RTN4RL1: variants seen among roughly 807,000 people sequenced by gnomAD.
RTN4RL1 encodes reticulon 4 receptor like 1.
A neutral mutation model predicts 25.6 loss-of-function variants in RTN4RL1; 7 were observed. The observed-to-expected ratio is 0.27, with a 90% CI of 0.16 to 0.51. The LOEUF is 0.51. Among genes scored for constraint, RTN4RL1 ranks in the 20% least tolerant of loss-of-function variants. RTN4RL1 has a pLI of 0.97. For synonymous variants in RTN4RL1, 297 were observed against 288.2 expected (o/e 1.03, Z -0.31); for missense variants, 500 against 615.6 (o/e 0.81, Z 1.99).
chr17:1,989,806 T>C (rs573595609), intron 1 of RTN4RL1, among the ~76,000 whole-genome samples: 1 of 152,070 alleles, frequency 6.6e-6, no homozygotes, highest in African/African-American at 2.4e-5. Context: ...ACTCCTGACC[T>C]CATGATCCAC....
chr17:1,956,868 C>T (rs1271347755), intron 1 of RTN4RL1, among the ~76,000 whole-genome samples: 2 of 151,864 alleles, frequency 1.3e-5, no homozygotes, highest in Admixed American at 6.6e-5. Flanking sequence ...CAGCACTCCC[C>T]GAGTAGCTGG....
intron 1 of RTN4RL1, among the ~76,000 whole-genome samples, chr17:1,962,984 C>T (rs1240864030): frequency 1.3e-5 from 2 of 151,606 alleles, no homozygotes; most frequent in Non-Finnish European, 2.9e-5. Flanking sequence ...GTTGCCCTGG[C>T]TGGAGTGCAG....
At chr17:1,978,670 T>C (rs1205731038) in intron 1 of RTN4RL1, among the ~76,000 whole-genome samples, 1 of 152,040 alleles carries the variant, frequency 6.6e-6, no homozygotes, top group African/African-American at 2.4e-5. Context: ...GCGGATTCAG[T>C]GAGGTAGTGC....
chr17:2,004,367 CAAAAAAAA>C (rs58690992), intron 1 of RTN4RL1, among the ~76,000 whole-genome samples: 5 of 36,566 alleles, frequency 1.4e-4, no homozygotes, highest in South Asian at 8.2e-4. Context: ...GACTCTGTCT[CAAAAAAAA>C]AAAAAAAAAA....
At chr17:1,939,284 T>C (rs7221269) in intron 1 of RTN4RL1, among the ~76,000 whole-genome samples, 2,066 of 149,776 alleles carry the variant, frequency 0.014, 36 homozygotes, top group South Asian at 0.065. Context: ...ACCCGGGAGG[T>C]GGAGCTTGCA....
intron 1 of RTN4RL1, among the ~76,000 whole-genome samples, chr17:1,981,997 T>G (rs796415272): frequency 2.6e-5 from 4 of 151,612 alleles, no homozygotes; most frequent in African/African-American, 9.7e-5. Flanking sequence ...AACACAAGAG[T>G]GAGTATTTAT....
intron 1 of RTN4RL1, among the ~76,000 whole-genome samples, chr17:2,004,312 G>A (rs1428857577): frequency 7.0e-6 from 1 of 143,882 alleles, no homozygotes; most frequent in African/African-American, 2.6e-5. Flanking sequence ...AACTTGGAGT[G>A]AGCCGAGATC....
intron 1 of RTN4RL1, among the ~76,000 whole-genome samples, chr17:1,939,291 T>C (rs1915389840): frequency 6.6e-6 from 1 of 151,814 alleles, no homozygotes; most frequent in Non-Finnish European, 1.5e-5. Flanking sequence ...AGGTGGAGCT[T>C]GCAGTGAGCT....
intron 1 of RTN4RL1, among the ~76,000 whole-genome samples, chr17:1,944,298 G>A (rs945817395): frequency 1.3e-5 from 2 of 152,110 alleles, no homozygotes; most frequent in African/African-American, 2.4e-5. Context: ...AAGCTCCAGC[G>A]TGGCCCTCTT....
At chr17:2,002,839 A>G (rs989684029) in intron 1 of RTN4RL1, among the ~76,000 whole-genome samples, 1 of 152,158 alleles carries the variant, frequency 6.6e-6, no homozygotes, top group Admixed American at 6.5e-5. Context: ...CCCGGCTACC[A>G]GGAGGGGCCC....
intron 1 of RTN4RL1, chr17:2,020,343 A>G (rs1416722201): frequency 6.6e-6 from 1 of 152,200 alleles, no homozygotes; most frequent in East Asian, 1.9e-4. Flanking sequence ...AAGGGCAGCT[A>G]CATTACTATA....
chr17:2,011,438 C>A (rs1024960455), intron 1 of RTN4RL1, among the ~76,000 whole-genome samples: 2 of 152,108 alleles, frequency 1.3e-5, no homozygotes, highest in African/African-American at 4.8e-5. Context: ...GCTCTTCCTT[C>A]TGGGAAAGCC....
intron 1 of RTN4RL1, among the ~76,000 whole-genome samples, chr17:1,977,262 G>A (rs921839007): frequency 8.5e-5 from 13 of 152,192 alleles, no homozygotes; most frequent in African/African-American, 2.9e-4. Context: ...CTAGAGTCTG[G>A]GGAACACCCA....
intron 1 of RTN4RL1, among the ~76,000 whole-genome samples, chr17:1,999,509 C>T (rs896463056): frequency 6.6e-6 from 1 of 152,124 alleles, no homozygotes; most frequent in Non-Finnish European, 1.5e-5. Flanking sequence ...CACGTATGTG[C>T]ACATGCAGCT....
rs569269987 is a variant in RTN4RL1, at chr17:1,959,652, C to G, written c.14-21844G>C. ...CGATCTCGGCTCACTGCAACCTCCA[C>G]CTCCCATGTTCAAACGATTCTCACA... On this transcript the variant is annotated intron_variant, in intron 1 of 1. Transcript: ENST00000331238. Among the ~76,000 whole-genome samples, 117 of 152,280 alleles carry G rather than the reference C, an allele frequency of 7.7e-4. 2 individuals carry two copies. In the South Asian group the frequency reaches 0.023, roughly 30 times the overall value.
chr17:1,998,848 C>T lies in RTN4RL1; in HGVS notation c.13+26005G>A, dbSNP rs1189378718. Among the ~76,000 whole-genome samples the T allele has an allele frequency of 6.6e-6, 1 of 152,096 alleles. No homozygotes were observed. The highest frequency in any genetic ancestry group is 2.4e-5 in the African/African-American group (1 of 41,420). ...GGGACGCGGGTTTGACGCACTTTCC[C>T]GGCAGCCGAAGACGACCCCGGAGCC... On this transcript the variant is annotated intron_variant, in intron 1 of 1. Transcript: ENST00000331238. This position sits in a 1 kb window ranked among gnomAD's most constrained non-coding sequence, Gnocchi z 4.9.
At chr17:1,957,401 G>A (rs565780261) in intron 1 of RTN4RL1, among the ~76,000 whole-genome samples, 1 of 152,308 alleles carries the variant, frequency 6.6e-6, no homozygotes, top group African/African-American at 2.4e-5. Flanking sequence ...GAAGGGAAGG[G>A]GGTTAACATG....
chr17:1,964,693 G>C (rs9675114), intron 1 of RTN4RL1, among the ~76,000 whole-genome samples: 3 of 150,710 alleles, frequency 2.0e-5, no homozygotes, highest in East Asian at 2.0e-4. Context: ...GATCACACCA[G>C]TGCACTCCAG....
intron 1 of RTN4RL1, chr17:2,017,695 A>ACACACACG (rs1214869290): frequency 7.2e-6 from 1 of 138,812 alleles, no homozygotes; most frequent in African/African-American, 2.5e-5. Flanking sequence ...ACACACACAC[A>ACACACACG]CACACACACA....
Sources: gnomAD v4.1 joint callset for allele counts (sites outside exome capture counted in the v4.1 genomes callset) on GRCh38, gnomAD v4.1.1 for gene constraint, Gnocchi (gnomAD v3.1) non-coding constraint, MANE v1.5 for transcripts, NCBI Gene and HGNC (gene_info 2026-07-23, HGNC 2026-07-21) for gene names.